Variants in COX7B2 observed in about 807,000 individuals in gnomAD.
COX7B2 encodes cytochrome c oxidase subunit 7B2, mitochondrial.
For missense variants in COX7B2, 109 were observed against 95.9 expected (o/e 1.14, Z -0.57); for synonymous variants, 37 against 32.1 (o/e 1.15, Z -0.51).
Position 46,892,797 on chromosome 4 carries a change from C to A in COX7B2, c.-105+16363G>T, listed in dbSNP as rs541256902. Among the ~76,000 whole-genome samples the A allele has an allele frequency of 2.0e-5, 3 of 152,246 alleles. No homozygotes were observed. The East Asian group carries it at 5.8e-4, about 29-fold the overall frequency. On this transcript the variant is annotated intron_variant, in intron 1 of 2. Coordinates refer to ENST00000355591, the MANE Select transcript of COX7B2 (RefSeq NM_130902.3). ...GGACCGATACGGTTTCGCTGTGTCC[C>A]CACCCAAATCTCATCTTGAGTTGTA...
intron 2 of COX7B2, among the ~76,000 whole-genome samples, chr4:46,830,783 T>C (rs998229638): frequency 6.6e-6 from 1 of 152,196 alleles, no homozygotes; most frequent in South Asian, 2.1e-4. Flanking sequence ...TGGCTGAAAG[T>C]CTCTGCAAAT....
At chr4:46,759,399 A>G (rs1419934254) in intron 2 of COX7B2, among the ~76,000 whole-genome samples, 1 of 152,126 alleles carries the variant, frequency 6.6e-6, no homozygotes, top group African/African-American at 2.4e-5. Flanking sequence ...AACTATCATC[A>G]GAGTGAATAG....
chr4:46,795,023 TTCG>T (rs1460947352), intron 2 of COX7B2, among the ~76,000 whole-genome samples: 4,433 of 148,800 alleles, frequency 0.03, 253 homozygotes, highest in African/African-American at 0.098. Flanking sequence ...GTTCATGTCC[TTCG>T]CCCACTTTTT....
At chr4:46,846,436 GA>G (rs1238408172) in intron 1 of COX7B2, among the ~76,000 whole-genome samples, 1 of 151,572 alleles carries the variant, frequency 6.6e-6, no homozygotes, top group Non-Finnish European at 1.5e-5. Flanking sequence ...ACACAGGAAG[GA>G]AAAAAAATAG....
chr4:46,831,131 G>A (rs1715057512), intron 2 of COX7B2, among the ~76,000 whole-genome samples: 2 of 152,182 alleles, frequency 1.3e-5, no homozygotes, highest in South Asian at 4.1e-4. Flanking sequence ...CCCGCATTGG[G>A]AGTGGCCGGC....
chr4:46,756,716 G>C (rs909248632), intron 2 of COX7B2, among the ~76,000 whole-genome samples: 1 of 152,050 alleles, frequency 6.6e-6, no homozygotes, highest in Non-Finnish European at 1.5e-5. Flanking sequence ...CTAGTCATCA[G>C]AGAAATGCAA....
chr4:46,824,669 A>AAG (rs1714551761), intron 2 of COX7B2, among the ~76,000 whole-genome samples: 1 of 151,966 alleles, frequency 6.6e-6, no homozygotes, highest in Admixed American at 6.6e-5. Flanking sequence ...AAAAAAAAAA[A>AAG]AAGCAAATTC....
intron 2 of COX7B2, among the ~76,000 whole-genome samples, chr4:46,788,306 AC>A (rs1035895891): frequency 9.9e-5 from 15 of 152,202 alleles, no homozygotes; most frequent in African/African-American, 3.1e-4. Flanking sequence ...ACTGAAAAAA[AC>A]AATGTTATTT....
chr4:46,851,141 C>A (rs1047726188), intron 1 of COX7B2, among the ~76,000 whole-genome samples: 3 of 151,818 alleles, frequency 2.0e-5, no homozygotes, highest in Non-Finnish European at 4.4e-5. Flanking sequence ...AGGTGACTCC[C>A]GAGAGGACTG....
chr4:46,812,068 C>T (rs1719311787), intron 2 of COX7B2, among the ~76,000 whole-genome samples: 1 of 152,042 alleles, frequency 6.6e-6, no homozygotes, highest in Non-Finnish European at 1.5e-5. Flanking sequence ...TTTCAAGCAG[C>T]ACTGAAATAT....
In COX7B2 at chr4:46,793,558, C is replaced by T. The variant is rs190578276; in HGVS notation, c.-50+51402G>A. Among the ~76,000 whole-genome samples the T allele has an allele frequency of 1.2e-3, 187 of 152,280 alleles. 1 individual carries two copies. Among genetic ancestry groups the T allele is most frequent in the African/African-American group, 4.3e-3 (177 of 41,550 alleles). ...TAAGTTTGGCTGGTTGCTCCTAATGCTGCCAAAGTGTTGGAAGAAAAGGAT... is the reference window on the plus strand; with the variant it reads ...TAAGTTTGGCTGGTTGCTCCTAATGTTGCCAAAGTGTTGGAAGAAAAGGAT... On this transcript the variant is annotated intron_variant, in intron 2 of 2. Coordinates refer to ENST00000355591, the MANE Select transcript of COX7B2 (RefSeq NM_130902.3).
At chr4:46,755,512 T>C (rs539642966) in intron 2 of COX7B2, among the ~76,000 whole-genome samples, 1 of 152,012 alleles carries the variant, frequency 6.6e-6, no homozygotes, top group East Asian at 1.9e-4. Flanking sequence ...AATTAGAAAA[T>C]AGGAAGTCAA....
At chr4:46,773,302 A>T (rs1716980836) in intron 2 of COX7B2, among the ~76,000 whole-genome samples, 1 of 152,110 alleles carries the variant, frequency 6.6e-6, no homozygotes, top group South Asian at 2.1e-4. Flanking sequence ...AGTTACCCCC[A>T]TGCTGCTGTT....
At chr4:46,759,994 A>G (rs1353025632) in intron 2 of COX7B2, among the ~76,000 whole-genome samples, 2 of 151,962 alleles carry the variant, frequency 1.3e-5, no homozygotes, top group Non-Finnish European at 2.9e-5. Context: ...CTCAGAAAGA[A>G]AGAATATTAC....
At chr4:46,824,049 GA>G (rs1208473903) in intron 2 of COX7B2, among the ~76,000 whole-genome samples, 1 of 152,004 alleles carries the variant, frequency 6.6e-6, no homozygotes, top group Non-Finnish European at 1.5e-5. Context: ...AAAATTCACT[GA>G]AGGAAAAATA....
At chr4:46,879,449 C>T (rs1427481490) in intron 1 of COX7B2, among the ~76,000 whole-genome samples, 1 of 151,048 alleles carries the variant, frequency 6.6e-6, no homozygotes, top group Non-Finnish European at 1.5e-5. Context: ...ACCATGTTGC[C>T]CAGGCTGGTC....
At chr4:46,852,767 A>G (rs1716770074) in intron 1 of COX7B2, among the ~76,000 whole-genome samples, 1 of 152,154 alleles carries the variant, frequency 6.6e-6, no homozygotes, top group Admixed American at 6.6e-5. Flanking sequence ...AGGTGAACAA[A>G]GCAATGCTTT....
At chr4:46,851,165 A>G (rs1716653216) in intron 1 of COX7B2, among the ~76,000 whole-genome samples, 1 of 152,050 alleles carries the variant, frequency 6.6e-6, no homozygotes, top group Admixed American at 6.6e-5. Context: ...TTGCAGTTAG[A>G]TATTAATCCA....
At chr4:46,769,378 C>T (rs1418544068) in intron 2 of COX7B2, among the ~76,000 whole-genome samples, 1 of 152,098 alleles carries the variant, frequency 6.6e-6, no homozygotes, top group Non-Finnish European at 1.5e-5. Context: ...AAGGACTTAT[C>T]CCTGAAATGC....
Sources: gnomAD v4.1 joint callset for allele counts (sites outside exome capture counted in the v4.1 genomes callset) on GRCh38, gnomAD v4.1.1 for gene constraint, MANE v1.5 for transcripts, NCBI Gene and HGNC (gene_info 2026-07-23, HGNC 2026-07-21) for gene names.